DLG2: variants seen among roughly 807,000 people sequenced by gnomAD.
DLG2 encodes the protein disks large homolog 2.
In DLG2, 45 loss-of-function variants were observed where a neutral mutation model predicts 132.5. The observed-to-expected ratio is 0.34, with a 90% CI of 0.27 to 0.44. The LOEUF (loss-of-function observed/expected upper bound fraction) is 0.44, where lower values mean the gene tolerates loss of function less well. Ranked by LOEUF, DLG2 falls within the 20% of genes least tolerant of loss-of-function variation. The pLI is 1.00. For synonymous variants in DLG2, 424 were observed against 419.6 expected (o/e 1.01, Z -0.13); for missense variants, 1,045 against 1,196.9 (o/e 0.87, Z 1.87).
intron 7 of DLG2, among the ~76,000 whole-genome samples, chr11:84,260,511 A>G (rs1385978626): frequency 7.9e-5 from 12 of 152,372 alleles, no homozygotes; most frequent in African/African-American, 2.9e-4. Flanking sequence ...ATGTCATGCT[A>G]TATAAAGTAT....
At position 83,674,409 on chromosome 11, in the gene DLG2, A is replaced by T. The variant is rs568427727; in HGVS notation, c.1826-41084T>A. Among the ~76,000 whole-genome samples, 105 of 152,336 alleles carry T rather than the reference A, an allele frequency of 6.9e-4. 2 individuals carry two copies. In the South Asian group the frequency reaches 0.022, roughly 31 times the overall value. On this transcript the variant is annotated intron_variant, in intron 18 of 27. Transcript: ENST00000376104. ...ATAAGGTAAGAAATTCATCCAAGGA[A>T]CAGTTTCTCTATTTGTACAAGGAAG...
rs143261962 is a variant in DLG2, at chr11:83,862,872, C to A, written c.1565+11548G>T. 5.6e-4 allele frequency among the ~76,000 whole-genome samples: 85 copies of A among 152,228 alleles called. 1 individual carries two copies. Among genetic ancestry groups the A allele is most frequent in the South Asian group, 8.3e-4 (4 of 4,822 alleles). On this transcript the variant is annotated intron_variant, in intron 16 of 27. Coordinates refer to ENST00000376104, the MANE Select transcript of DLG2 (RefSeq NM_001142699.3). ...TAGTAGAAGCAGGAACTTTAACAAG[C>A]CATCACTTGTTGAATATGGTCTGTG... is the stretch of plus-strand genomic sequence containing the variant.
chr11:84,140,164 T>C (rs1379213317), intron 9 of DLG2, among the ~76,000 whole-genome samples: 4 of 152,078 alleles, frequency 2.6e-5, no homozygotes, highest in African/African-American at 9.7e-5. Flanking sequence ...AGCTGTAAGT[T>C]AAAGATGTGA....
intron 6 of DLG2, among the ~76,000 whole-genome samples, chr11:85,014,776 C>G (rs2154136975): frequency 6.6e-6 from 1 of 152,290 alleles, no homozygotes; most frequent in Non-Finnish European, 1.5e-5. Flanking sequence ...TACAAATGGT[C>G]CTTTCTACCT....
intron 6 of DLG2, among the ~76,000 whole-genome samples, chr11:84,815,847 G>T (rs2077033541): frequency 6.6e-6 from 1 of 152,046 alleles, no homozygotes; most frequent in South Asian, 2.1e-4. Flanking sequence ...CCACCTCATA[G>T]TGGGGTCTCA....
chr11:83,789,952 TG>T, intron 17 of DLG2: 1 of 1,255,974 alleles, frequency 8.0e-7, no homozygotes, highest in South Asian at 2.9e-5. Flanking sequence ...AAGTGCAAGA[TG>T]CAGGGTTCTC....
chr11:83,896,384 A>G (rs7930662), intron 15 of DLG2, among the ~76,000 whole-genome samples: 16,863 of 152,248 alleles, frequency 0.11, 1,465 homozygotes, highest in African/African-American at 0.24. Context: ...ACAAGGCTGA[A>G]AGCCATCAAC....
At chr11:84,882,284 G>A (rs1415448250) in intron 6 of DLG2, among the ~76,000 whole-genome samples, 2 of 151,746 alleles carry the variant, frequency 1.3e-5, no homozygotes, top group Non-Finnish European at 2.9e-5. Flanking sequence ...AGGTTCTTGT[G>A]GGGAAAGGGT....
chr11:85,499,571 G>A (rs1032599721), intron 3 of DLG2, among the ~76,000 whole-genome samples: 1 of 152,172 alleles, frequency 6.6e-6, no homozygotes, highest in Non-Finnish European at 1.5e-5. Context: ...TTGAAAAAGA[G>A]GGAATCCTCC....
At chr11:83,568,050 C>A (rs766210806) in intron 19 of DLG2, among the ~76,000 whole-genome samples, 1 of 152,102 alleles carries the variant, frequency 6.6e-6, no homozygotes, top group Non-Finnish European at 1.5e-5. Flanking sequence ...GACAGGTAAG[C>A]ATTTTCAAGG....
At chr11:85,298,364 T>C (rs560467753) in intron 3 of DLG2, among the ~76,000 whole-genome samples, 19 of 152,196 alleles carry the variant, frequency 1.2e-4, no homozygotes, top group African/African-American at 4.1e-4. Context: ...AACTTCACAG[T>C]GGGGAAGCCT....
intron 6 of DLG2, among the ~76,000 whole-genome samples, chr11:84,888,163 T>C (rs1351534334): frequency 2.0e-5 from 3 of 152,140 alleles, no homozygotes; most frequent in East Asian, 3.9e-4. Flanking sequence ...GGCTAAGAGA[T>C]GCCCAGATAG....
At chr11:85,558,927 T>C (rs1598506648) in intron 3 of DLG2, among the ~76,000 whole-genome samples, 1 of 151,682 alleles carries the variant, frequency 6.6e-6, no homozygotes, top group African/African-American at 2.4e-5. Flanking sequence ...ATATGTACCA[T>C]CTGAATCTAA....
At chr11:83,483,167 A>G (rs2093260843) in intron 22 of DLG2, 5 of 1,071,414 alleles carry the variant, frequency 4.7e-6, no homozygotes, top group South Asian at 2.5e-5. Context: ...TAGGAGTGAA[A>G]GGCCCTCAGG....
chr11:84,234,844 G>T (rs569670247), intron 8 of DLG2, among the ~76,000 whole-genome samples: 1 of 152,294 alleles, frequency 6.6e-6, no homozygotes, highest in Non-Finnish European at 1.5e-5. Flanking sequence ...ATTTGAAATG[G>T]CCACACAAAG....
chr11:85,317,990 T>C (rs576342874), intron 3 of DLG2, among the ~76,000 whole-genome samples: 3 of 151,774 alleles, frequency 2.0e-5, no homozygotes, highest in Non-Finnish European at 4.4e-5. Context: ...AATCAGGAGG[T>C]AGCACACATC....
intron 11 of DLG2, among the ~76,000 whole-genome samples, chr11:83,987,229 C>T (rs2093386726): frequency 6.6e-6 from 1 of 152,084 alleles, no homozygotes; most frequent in South Asian, 2.1e-4. Context: ...ATTCCATGCT[C>T]ATGGGTAGGA....
At chr11:85,104,099 A>G (rs2071313129) in intron 6 of DLG2, among the ~76,000 whole-genome samples, 1 of 151,922 alleles carries the variant, frequency 6.6e-6, no homozygotes, top group East Asian at 1.9e-4. Context: ...AAACTTTCAT[A>G]TATTGCTAGA....
At chr11:84,775,420 G>A (rs2070279297) in intron 6 of DLG2, among the ~76,000 whole-genome samples, 1 of 152,142 alleles carries the variant, frequency 6.6e-6, no homozygotes, top group Admixed American at 6.6e-5. Flanking sequence ...AGTCGCATTA[G>A]TGGGTATATA....
Sources: gnomAD v4.1 joint callset for allele counts (sites outside exome capture counted in the v4.1 genomes callset) on GRCh38, gnomAD v4.1.1 for gene constraint, MANE v1.5 for transcripts, NCBI Gene and HGNC (gene_info 2026-07-23, HGNC 2026-07-21) for gene names.